VOPP1: variants seen among roughly 807,000 people sequenced by gnomAD.
VOPP1 encodes the protein WW domain binding protein VOPP1.
VOPP1 carries 8 observed loss-of-function variants against 23.5 expected under a neutral mutation model. That is an observed-to-expected ratio of 0.34 (90% CI 0.20 to 0.61). The LOEUF is 0.61. Among genes scored for constraint, VOPP1 ranks in the 20% least tolerant of loss-of-function variants. The probability of loss-of-function intolerance (pLI) is 0.78; values close to 1 mark genes in which losing one functional copy is unlikely to be tolerated. For synonymous variants in VOPP1, 83 were observed against 97.3 expected, an observed-to-expected ratio of 0.85 and a Z score of 0.86; for missense variants, 174 against 238.1, an observed-to-expected ratio of 0.73 and a Z score of 1.77.
At chr7:55,448,465 T>G (rs1479819390) in intron 4 of VOPP1, among the ~76,000 whole-genome samples, 2 of 152,192 alleles carry the variant, frequency 1.3e-5, no homozygotes, top group Non-Finnish European at 2.9e-5. Context: ...GTTATTGTAT[T>G]TGGTCTGCAT....
rs900568094 is a variant in VOPP1, at chr7:55,572,303, C to T, written c.22G>A (p.Val8Met). 3.3e-6 allele frequency: 5 copies of T among 1,511,322 alleles called. No individual in the cohort carries two copies. The highest frequency in any genetic ancestry group is 2.9e-5 in the African/African-American group (2 of 69,236). The allele number at this position is 1,511,322 out of a possible 1,614,324, so 93.6% of individuals were successfully genotyped here. ...AGCAGCCCGAGCAGCAGCGCCGCCA[C>T]CTTCGCAGGCTGGCGCCTCATGGCT... MRRQPAKVAALLLGLLLE... is the reference protein window; with the variant it reads MRRQPAKMAALLLGLLLE... The change falls in exon 1 of 5, where the codon GTG becomes ATG. Residue 8 changes from valine (V) to methionine (M), a missense_variant. Coordinates refer to ENST00000285279, the MANE Select transcript of VOPP1 (RefSeq NM_030796.5).
In VOPP1 at chr7:55,534,711, T is replaced by G. The variant is rs539795318; in HGVS notation, c.55-13581A>C. On this transcript the variant is annotated intron_variant, in intron 1 of 4. Transcript: ENST00000285279. Reference sequence around the variant, plus strand: ...CAGGGCCCACTCTGAGCTGGGGACCTTCTGCCAGTTGCCACCTGGGATCTC... The same window carrying G: ...CAGGGCCCACTCTGAGCTGGGGACCGTCTGCCAGTTGCCACCTGGGATCTC... 1.1e-4 allele frequency among the ~76,000 whole-genome samples: 17 copies of G among 152,340 alleles called. 1 individual carries two copies. In the East Asian group the frequency reaches 2.5e-3, roughly 22 times the overall value.
At position 55,538,618 on chromosome 7, in the gene VOPP1, A is replaced by G. The variant is rs1325268366; in HGVS notation, c.55-17488T>C. ...AATAATCCATCTATACAAACCTGCAAGAGCACAGAAGACAGATACCCAAGA... is the reference window on the plus strand; with the variant it reads ...AATAATCCATCTATACAAACCTGCAGGAGCACAGAAGACAGATACCCAAGA... On this transcript the variant is annotated intron_variant, in intron 1 of 4. Transcript: ENST00000285279. 2.0e-6 allele frequency: 3 copies of G among 1,535,924 alleles called. No homozygotes were observed. The South Asian group carries it at 3.6e-5, about 18-fold the overall frequency.
intron 1 of VOPP1, among the ~76,000 whole-genome samples, chr7:55,548,034 C>T (rs1163260409): frequency 6.6e-6 from 1 of 152,156 alleles, no homozygotes; most frequent in Non-Finnish European, 1.5e-5. Flanking sequence ...CACCTAAGAC[C>T]GTGACCGCAG....
chr7:55,539,045 G>C (rs1274284670), intron 1 of VOPP1, among the ~76,000 whole-genome samples: 4 of 147,438 alleles, frequency 2.7e-5, no homozygotes, highest in Non-Finnish European at 6.0e-5. Context: ...AAAAAAGGGG[G>C]GGGGGGAGGG....
At chr7:55,552,675 AT>A in intron 1 of VOPP1, 7 of 1,535,926 alleles carry the variant, frequency 4.6e-6, no homozygotes, top group Non-Finnish European at 6.1e-6. Flanking sequence ...CCTTCCAACA[AT>A]GGGGGGCACT....
chr7:55,444,388 A>C (rs1791044518), intron 4 of VOPP1, among the ~76,000 whole-genome samples: 1 of 152,224 alleles, frequency 6.6e-6, no homozygotes, highest in Admixed American at 6.5e-5. Context: ...TACATTCTTC[A>C]TGTGTGCCTG....
intron 4 of VOPP1, among the ~76,000 whole-genome samples, chr7:55,462,742 G>A (rs560073368): frequency 0.013 from 1,804 of 142,894 alleles, 54 homozygotes; most frequent in African/African-American, 0.043. Context: ...TGCAAGCTCC[G>A]CCTCCCGGGT....
At chr7:55,505,992 A>G (rs1291735689) in intron 2 of VOPP1, among the ~76,000 whole-genome samples, 4 of 152,216 alleles carry the variant, frequency 2.6e-5, no homozygotes, top group African/African-American at 9.6e-5. Context: ...CCAACCCAAT[A>G]GGACCTTAGA....
chr7:55,492,507 G>C (rs1171312541), intron 3 of VOPP1, 89 bp from the exon 4 acceptor site: 111 of 1,423,022 alleles, frequency 7.8e-5, no homozygotes, highest in Non-Finnish European at 9.8e-5. Flanking sequence ...TGCACTCCTC[G>C]GGGGTCCGGG....
At chr7:55,534,432 G>T (rs890294062) in intron 1 of VOPP1, among the ~76,000 whole-genome samples, 1 of 152,208 alleles carries the variant, frequency 6.6e-6, no homozygotes, top group African/African-American at 2.4e-5. Flanking sequence ...GGGAGCGGGG[G>T]CTGCCCAAAG....
At chr7:55,441,284 T>C (rs1790958559) in intron 4 of VOPP1, among the ~76,000 whole-genome samples, 1 of 152,098 alleles carries the variant, frequency 6.6e-6, no homozygotes, top group Non-Finnish European at 1.5e-5. Context: ...ATGGTACAAC[T>C]ACAAAACCAA....
At chr7:55,513,910 C>T (rs922308488) in intron 2 of VOPP1, among the ~76,000 whole-genome samples, 1 of 152,176 alleles carries the variant, frequency 6.6e-6, no homozygotes, top group Admixed American at 6.5e-5. Context: ...GAAATTTGCA[C>T]ATCTAAATAG....
At chr7:55,437,229 C>T (rs1368593508) in intron 4 of VOPP1, among the ~76,000 whole-genome samples, 1 of 152,062 alleles carries the variant, frequency 6.6e-6, no homozygotes, top group Non-Finnish European at 1.5e-5. Flanking sequence ...CCAGAGGTGG[C>T]CTGGCTCCCG....
chr7:55,500,498 C>A (rs1794291958), intron 2 of VOPP1, among the ~76,000 whole-genome samples: 1 of 152,222 alleles, frequency 6.6e-6, no homozygotes, highest in African/African-American at 2.4e-5. Flanking sequence ...GTGCAGCCCA[C>A]TGCTTAATCT....
At chr7:55,462,659 T>A (rs1450156798) in intron 4 of VOPP1, among the ~76,000 whole-genome samples, 7 of 147,880 alleles carry the variant, frequency 4.7e-5, no homozygotes, top group African/African-American at 1.7e-4. Context: ...GATTATATTT[T>A]TTTTTTTTTT....
At chr7:55,437,592 G>A (rs1293912180) in intron 4 of VOPP1, among the ~76,000 whole-genome samples, 3 of 152,076 alleles carry the variant, frequency 2.0e-5, no homozygotes, top group Admixed American at 6.6e-5. Flanking sequence ...TTCTTAATGG[G>A]CCCTTCCAAT....
At chr7:55,551,527 A>T (rs1797605564) in intron 1 of VOPP1, among the ~76,000 whole-genome samples, 1 of 152,208 alleles carries the variant, frequency 6.6e-6, no homozygotes. Context: ...TCCCTCAGGA[A>T]ATCTGTCAAT....
chr7:55,524,963 T>C (rs1796081864), intron 1 of VOPP1, among the ~76,000 whole-genome samples: 1 of 152,100 alleles, frequency 6.6e-6, no homozygotes, highest in African/African-American at 2.4e-5. Context: ...AAGAGGGATC[T>C]TCAGAGTACT....
Sources: gnomAD v4.1 joint callset for allele counts (sites outside exome capture counted in the v4.1 genomes callset) on GRCh38, gnomAD v4.1.1 for gene constraint, MANE v1.5 for transcripts, NCBI Gene and HGNC (gene_info 2026-07-23, HGNC 2026-07-21) for gene names.